The following KIF1B variants were observed in gnomAD, a reference collection of about 807,000 sequenced individuals.
The protein encoded by KIF1B is kinesin-like protein KIF1B.
In KIF1B, 76 loss-of-function variants were observed where a neutral mutation model predicts 241.9. The ratio of observed to expected loss-of-function variants is 0.31; its 90% CI spans 0.26 to 0.38. The LOEUF (loss-of-function observed/expected upper bound fraction) is 0.38, where lower values mean the gene tolerates loss of function less well. Ranked by LOEUF, KIF1B falls within the 10% of genes least tolerant of loss-of-function variation. The pLI is 1.00. For synonymous variants in KIF1B, 750 were observed against 796.7 expected (o/e 0.94, Z 0.99); for missense variants, 1,622 against 2,271.4 (o/e 0.71, Z 5.81).
intron 2 of KIF1B, among the ~76,000 whole-genome samples, chr1:10,237,589 G>T (rs1647073107): frequency 6.6e-6 from 1 of 152,086 alleles, no homozygotes; most frequent in East Asian, 1.9e-4. Flanking sequence ...AAGTAGCCCT[G>T]ACTTTTTTTT....
In KIF1B at chr1:10,337,109, T is replaced by G; in HGVS notation, c.3165T>G (p.Gly1055=). 6.2e-7 allele frequency: 1 copy of G among 1,614,194 alleles called. No individual in the cohort carries two copies. The highest frequency in any genetic ancestry group is 8.5e-7 in the Non-Finnish European group (1 of 1,180,032). ...CGTCTGTTGCAATGACTCGTTCTGG[T>G]CTGTCCTTGGAGGAGTTGAGGATTG... ...DFSSVAMTRS[G]LSLEELRIVE... The change falls in exon 30 of 49, where the codon GGT becomes GGG. Residue 1055 remains glycine, a synonymous_variant. Coordinates refer to ENST00000676179, the MANE Select transcript of KIF1B (RefSeq NM_001365951.3). The surrounding 1 kb of genome is among the most constrained non-coding windows in gnomAD (Gnocchi z 4.0).
At chr1:10,234,026 G>A (rs555830309) in intron 2 of KIF1B, among the ~76,000 whole-genome samples, 1 of 152,188 alleles carries the variant, frequency 6.6e-6, no homozygotes, top group South Asian at 2.1e-4. Flanking sequence ...GTTGTTTTCA[G>A]CACAATGCTG....
intron 34 of KIF1B, among the ~76,000 whole-genome samples, chr1:10,345,416 C>G (rs532890758): frequency 6.6e-6 from 1 of 152,252 alleles, no homozygotes; most frequent in South Asian, 2.1e-4. Flanking sequence ...TTGGGAACCA[C>G]TGGGGTGGAG....
At chr1:10,228,364 A>T (rs12122468) in intron 1 of KIF1B, among the ~76,000 whole-genome samples, 2,834 of 67,562 alleles carry the variant, frequency 0.042, 67 homozygotes, top group East Asian at 0.19. Context: ...TGAAGTTTTT[A>T]AAAAAAAAAG....
rs1313864806 is a variant in KIF1B, at chr1:10,371,981, C to G, written c.4946+719C>G. ...CAAATGTAGTCTAGAGTCCATGATT[C>G]ATCATCATAATCCGTTCTTTGCAAC... is the stretch of plus-strand genomic sequence containing the variant. On this transcript the variant is annotated intron_variant, in intron 45 of 48. Coordinates refer to ENST00000676179, the MANE Select transcript of KIF1B (RefSeq NM_001365951.3). 2.0e-5 allele frequency among the ~76,000 whole-genome samples: 3 copies of G among 152,132 alleles called. No individual in the cohort carries two copies. The East Asian group carries it at 5.8e-4, about 29-fold the overall frequency.
At chr1:10,306,692 A>G in intron 22 of KIF1B, 1 of 820,258 alleles carries the variant, frequency 1.2e-6, no homozygotes, top group Non-Finnish European at 1.5e-6. Flanking sequence ...GCTGATCAGT[A>G]ATGGGATCTT....
rs1021755953 is a variant in KIF1B at position 10,296,981 on chromosome 1, C to G, written c.1946C>G (p.Ser649Cys). The G allele has an allele frequency of 1.9e-6, 3 of 1,613,948 alleles. No homozygotes were observed. In the African/African-American group the frequency reaches 4.0e-5, roughly 22 times the overall value. Residue 649 changes from serine (S) to cysteine (C), a missense_variant, in exon 21 of 49, where the codon TCT (serine) becomes TGT (cysteine). Ser to Cys is a moderately radical substitution (Grantham distance 112). Around this residue, in one of 7 missense-constraint regions of KIF1B, gnomAD observed 803 missense variants for 1,112.0 expected, o/e 0.72. Transcript: ENST00000676179. ...CGAGCTGAGCGAGAGAAGACTCCTT[C>G]TGCTGAGACCCCCTCTGAGCCTGTG... ...QARAEREKTP[S>C]AETPSEPVDW... is the part of the protein sequence containing the mutation.
Position 10,365,640 on chromosome 1 carries a change from G to T in KIF1B, c.4744G>T (p.Ala1582Ser). The T allele has an allele frequency of 6.2e-7, 1 of 1,614,108 alleles. No individual in the cohort carries two copies. The highest frequency in any genetic ancestry group is 1.3e-5 in the African/African-American group (1 of 75,028). Residue 1582 changes from alanine to serine, a missense_variant, in exon 43 of 49, where the codon GCT (alanine) becomes TCT (serine). Transcript: ENST00000676179. The surrounding 1 kb of genome is among the most constrained non-coding windows in gnomAD (Gnocchi z 4.0). Reference sequence around the variant, plus strand: ...CCTGGTGGACCGAGAGAAAGAGCTGGCTACCAAGGTGTGAATCCCTTCCTC... The same window carrying T: ...CCTGGTGGACCGAGAGAAAGAGCTGTCTACCAAGGTGTGAATCCCTTCCTC... Reference protein sequence around the residue: ...ESLVDREKELATKCLQLLTHT... With the variant: ...ESLVDREKELSTKCLQLLTHT...
intron 1 of KIF1B, among the ~76,000 whole-genome samples, chr1:10,217,343 CT>C (rs769372780): frequency 0.013 from 1,703 of 131,928 alleles, 16 homozygotes; most frequent in African/African-American, 0.04. Context: ...CTTTCTTTTT[CT>C]TTTTTTTTTT....
chr1:10,325,270 T>A (rs1651685383), intron 26 of KIF1B, among the ~76,000 whole-genome samples: 1 of 152,240 alleles, frequency 6.6e-6, no homozygotes, highest in African/African-American at 2.4e-5. Flanking sequence ...GATTTGTTTT[T>A]CTTTTTTTTA....
chr1:10,263,386 C>A (rs956116507), intron 5 of KIF1B, among the ~76,000 whole-genome samples: 2 of 151,120 alleles, frequency 1.3e-5, no homozygotes, highest in Non-Finnish European at 2.9e-5. Context: ...TATTCACTTT[C>A]ATAGTAACTG....
At chr1:10,251,463 G>C (rs1272441661) in intron 2 of KIF1B, among the ~76,000 whole-genome samples, 1 of 151,790 alleles carries the variant, frequency 6.6e-6, no homozygotes, top group South Asian at 2.1e-4. Flanking sequence ...GGCTGGGCGC[G>C]GTGGCTCACC....
chr1:10,210,665 C>G lies in KIF1B; in HGVS notation c.-293C>G, dbSNP rs1646680216. 2.0e-5 allele frequency: 3 copies of G among 152,442 alleles called. No individual in the cohort carries two copies. The highest frequency in any genetic ancestry group is 7.2e-5 in the African/African-American group (3 of 41,408). 9.4% of individuals were successfully genotyped at this position (152,442 alleles called of 1,614,324 possible). A position where few individuals can be genotyped will look rare whatever the true frequency, so the allele number is the denominator to read the frequency against. ...CCGCCGGCCGTCGCCGCGCCCTGGC[C>G]TCCCGCACTCGCGCACTCCTGTCCG... On this transcript the variant is annotated 5_prime_UTR_variant, in exon 1 of 49. Transcript: ENST00000676179. The surrounding 1 kb of genome is among the most constrained non-coding windows in gnomAD (Gnocchi z 4.1).
intron 2 of KIF1B, among the ~76,000 whole-genome samples, chr1:10,242,876 T>TGG (rs1647157608): frequency 6.6e-6 from 1 of 152,164 alleles, no homozygotes; most frequent in African/African-American, 2.4e-5. Flanking sequence ...AGCCCGCTGA[T>TGG]GGACAGGTTG....
intron 6 of KIF1B, 139 bp downstream of exon 6, chr1:10,267,697 G>GT (rs1466225416): frequency 2.7e-6 from 2 of 753,016 alleles, no homozygotes; most frequent in African/African-American, 3.5e-5. Context: ...TGACTGTGCT[G>GT]TAACAGTGAG....
At chr1:10,269,643 A>C (rs1648672965) in intron 7 of KIF1B, among the ~76,000 whole-genome samples, 1 of 151,926 alleles carries the variant, frequency 6.6e-6, no homozygotes, top group Non-Finnish European at 1.5e-5. Flanking sequence ...AACATGGTGA[A>C]ACCCAGTCTC....
At chr1:10,291,684 C>CAGTGGGTGCCACTGCA in intron 16 of KIF1B, among the ~76,000 whole-genome samples, 1 of 150,998 alleles carries the variant, frequency 6.6e-6, no homozygotes, top group Admixed American at 6.6e-5. Flanking sequence ...TGCACTGCAG[C>CAGTGGGTGCCACTGCA]CTGGGTGACA....
chr1:10,360,636 G>C lies in KIF1B; in HGVS notation c.4056-293G>C, dbSNP rs137919676. On this transcript the variant is annotated intron_variant, in intron 38 of 48. Transcript: ENST00000676179. ...GGAGGCAGAGGTTGCAGTGATCCGA[G>C]ATTGTGCCACTGCACTCCAGTATGG... Among the ~76,000 whole-genome samples the C allele has an allele frequency of 9.8e-3, 1,455 of 147,962 alleles. 17 individuals carry two copies. Among genetic ancestry groups the C allele is most frequent in the African/African-American group, 0.034 (1,365 of 40,096 alleles).
chr1:10,263,941 T>C (rs1247036336), intron 5 of KIF1B, among the ~76,000 whole-genome samples: 2 of 152,170 alleles, frequency 1.3e-5, no homozygotes, highest in Non-Finnish European at 2.9e-5. Context: ...ACCAGAAACA[T>C]TCCTGCTTCA....
Sources: allele counts gnomAD v4.1 joint callset (sites outside exome capture counted in the v4.1 genomes callset), GRCh38; gene constraint gnomAD v4.1.1; regional missense constraint gnomAD v4.1.1; non-coding constraint Gnocchi (gnomAD v3.1); transcripts MANE v1.5; gene names NCBI Gene and HGNC (gene_info 2026-07-23, HGNC 2026-07-21).